FOXK2: variants seen among roughly 807,000 people sequenced by gnomAD.
FOXK2 encodes the protein forkhead box protein K2.
FOXK2 carries 24 observed loss-of-function variants against 53.3 expected under a neutral mutation model. That is an observed-to-expected ratio of 0.45 (90% CI 0.33 to 0.63). FOXK2 has a LOEUF of 0.63. Ranked by LOEUF, FOXK2 falls within the 30% of genes least tolerant of loss-of-function variation. The pLI is 0.03. For missense variants in FOXK2, 952 were observed against 910.5 expected, an observed-to-expected ratio of 1.05 and a Z score of -0.59; for synonymous variants, 505 against 407.1, an observed-to-expected ratio of 1.24 and a Z score of -2.89.
At chr17:82,573,525 TACAC>T (rs10545272) in intron 4 of FOXK2, among the ~76,000 whole-genome samples, 71 of 135,664 alleles carry the variant, frequency 5.2e-4, no homozygotes, top group Middle Eastern at 4.0e-3. Flanking sequence ...ACTATATACA[TACAC>T]ACACACACTC....
intron 5 of FOXK2, among the ~76,000 whole-genome samples, chr17:82,583,280 C>A (rs541759582): frequency 6.6e-6 from 1 of 152,252 alleles, no homozygotes; most frequent in Non-Finnish European, 1.5e-5. Flanking sequence ...CGCTGTGGCT[C>A]ACGCCTGTAA....
chr17:82,521,165 T>C (rs182692742), intron 1 of FOXK2, among the ~76,000 whole-genome samples: 78 of 151,364 alleles, frequency 5.2e-4, no homozygotes, highest in African/African-American at 1.6e-3. Flanking sequence ...CCACACAAAC[T>C]GGAATTTTTT....
intron 5 of FOXK2, among the ~76,000 whole-genome samples, chr17:82,583,672 G>A (rs1042706467): frequency 6.6e-6 from 1 of 151,968 alleles, no homozygotes; most frequent in Non-Finnish European, 1.5e-5. Context: ...AAAAAAATGA[G>A]CGTAACGTAA....
chr17:82,580,445 A>G (rs1306124752), intron 4 of FOXK2, among the ~76,000 whole-genome samples: 1 of 63,158 alleles, frequency 1.6e-5, no homozygotes, highest in Admixed American at 1.5e-4. Flanking sequence ...TCTCCATGTC[A>G]CCCATGAAGT....
At chr17:82,532,269 CGA>C (rs1394289784) in intron 1 of FOXK2, among the ~76,000 whole-genome samples, 1 of 151,958 alleles carries the variant, frequency 6.6e-6, no homozygotes, top group Non-Finnish European at 1.5e-5. Flanking sequence ...CTCAGCTTTC[CGA>C]GTAGCTGGGA....
At position 82,571,738 on chromosome 17, in the gene FOXK2, G is replaced by T. The variant is rs117692271; in HGVS notation, c.777G>T (p.Pro259=). ...GGDSPKDDSK[P]PYSYAQLIVQ... ...TTTAAATACAGGATGATTCAAAGCC[G>T]CCTTACTCCTACGCGCAGCTGATAG... The change falls in exon 4 of 9, where the codon CCG becomes CCT. Residue 259 remains proline, a synonymous_variant. Transcript: ENST00000335255. 6.4e-3 allele frequency: 9,978 copies of T among 1,555,482 alleles called. 47 individuals are homozygous for T. Among genetic ancestry groups the T allele is most frequent in the Non-Finnish European group, 7.2e-3 (8,315 of 1,156,100 alleles).
intron 1 of FOXK2, among the ~76,000 whole-genome samples, chr17:82,521,253 A>G (rs1007339233): frequency 1.1e-4 from 17 of 152,062 alleles, no homozygotes; most frequent in African/African-American, 3.4e-4. Flanking sequence ...GCTCACTGCA[A>G]TCTCCGCCCT....
chr17:82,543,965 A>G (rs961912475), intron 1 of FOXK2, among the ~76,000 whole-genome samples: 1 of 151,858 alleles, frequency 6.6e-6, no homozygotes, highest in Non-Finnish European at 1.5e-5. Flanking sequence ...TTTAGTAGAG[A>G]TGGGGTTTCA....
At chr17:82,572,097 T>C in intron 4 of FOXK2, 1 of 387,408 alleles carries the variant, frequency 2.6e-6, no homozygotes, top group Non-Finnish European at 4.6e-6. Flanking sequence ...TAGGCCTGCA[T>C]GCTTTACTGT....
At chr17:82,548,567 C>G (rs1417321890) in intron 1 of FOXK2, among the ~76,000 whole-genome samples, 1 of 152,166 alleles carries the variant, frequency 6.6e-6, no homozygotes, top group African/African-American at 2.4e-5. Context: ...AATATTTTCT[C>G]CCATTCCATC....
chr17:82,571,444 C>T (rs1437779871), intron 3 of FOXK2, among the ~76,000 whole-genome samples: 1 of 151,878 alleles, frequency 6.6e-6, no homozygotes, highest in Non-Finnish European at 1.5e-5. Flanking sequence ...CTACTAAAAC[C>T]ACAAAAATTA....
intron 1 of FOXK2, among the ~76,000 whole-genome samples, chr17:82,530,517 T>G (rs933441933): frequency 6.7e-6 from 1 of 148,864 alleles, no homozygotes; most frequent in African/African-American, 2.5e-5. Flanking sequence ...TGTGTTTTTT[T>G]TTTTTTTTTT....
rs534068469 is a variant in FOXK2, at chr17:82,576,218, C to T, written c.909+4348C>T. 4.3e-3 allele frequency among the ~76,000 whole-genome samples: 207 copies of T among 47,618 alleles called. 2 individuals carry two copies. Among genetic ancestry groups the T allele is most frequent in the Non-Finnish European group, 6.5e-3 (160 of 24,634 alleles). The allele number at this position is 47,618 out of a possible 152,430, so 31.2% of individuals were successfully genotyped here. On this transcript the variant is annotated intron_variant, in intron 4 of 8. Transcript: ENST00000335255. ...GTTCGTCCACACCAGCGTGTGTGCT[C>T]GGGTGGCGGCGGCGGGTTCGTCCAC... is the stretch of plus-strand genomic sequence containing the variant.
chr17:82,573,599 C>T (rs1023361080), intron 4 of FOXK2, among the ~76,000 whole-genome samples: 33 of 147,144 alleles, frequency 2.2e-4, no homozygotes, highest in Non-Finnish European at 4.7e-4. Flanking sequence ...CACACACACA[C>T]AACCAGATAA....
chr17:82,594,754 G>A (rs1285991516), intron 8 of FOXK2, among the ~76,000 whole-genome samples: 5 of 152,186 alleles, frequency 3.3e-5, no homozygotes, highest in African/African-American at 1.2e-4. Context: ...TTCCCTAAAG[G>A]AGTAGGAACA....
intron 1 of FOXK2, among the ~76,000 whole-genome samples, chr17:82,540,564 T>C (rs2044565552): frequency 1.3e-5 from 2 of 152,006 alleles, no homozygotes; most frequent in Admixed American, 1.3e-4. Flanking sequence ...TCTCCTGGAG[T>C]TGGCACACTC....
rs1317175136 is a variant in FOXK2 at position 82,563,408 on chromosome 17, C to A, written c.474C>A (p.Ser158=). The A allele has an allele frequency of 6.2e-7, 1 of 1,613,998 alleles. No homozygotes were observed. Among genetic ancestry groups the A allele is most frequent in the Non-Finnish European group, 8.5e-7 (1 of 1,180,038 alleles). The change falls in exon 2 of 9, where the codon TCC becomes TCA. Residue 158 remains serine, a synonymous_variant. Coordinates refer to ENST00000335255, the MANE Select transcript of FOXK2 (RefSeq NM_004514.4). The stretch of plus-strand genomic sequence containing the variant: ...TCAAGATAACGTTCACTGCCCTGTC[C>A]AGCGAGAAGAGAGAGAAGCAGGAGG... ...TNIKITFTAL[S]SEKREKQEAS...
At chr17:82,589,281 C>T (rs1291101830) in intron 8 of FOXK2, among the ~76,000 whole-genome samples, 1 of 152,218 alleles carries the variant, frequency 6.6e-6, no homozygotes, top group Admixed American at 6.5e-5. Flanking sequence ...GGCCCAGATC[C>T]TCCCTTGTCT....
chr17:82,587,461 G>A lies in FOXK2; in HGVS notation c.1786+189G>A, dbSNP rs573373354. 293 of 610,874 alleles carry A rather than the reference G, an allele frequency of 4.8e-4. 3 individuals are homozygous for A. Among genetic ancestry groups the A allele is most frequent in the Middle Eastern group, 2.6e-3 (6 of 2,268 alleles). The allele number at this position is 610,874 out of a possible 1,614,324, so 37.8% of individuals were successfully genotyped here. On this transcript the variant is annotated intron_variant, in intron 8 of 8. Transcript: ENST00000335255. ...TGGAGTCGGCCGTCATGGGATTCCC[G>A]TGGGAGGACCTGCCTGAAAAGAGAT...
Sources: allele counts gnomAD v4.1 joint callset (sites outside exome capture counted in the v4.1 genomes callset), GRCh38; gene constraint gnomAD v4.1.1; transcripts MANE v1.5; gene names NCBI Gene and HGNC (gene_info 2026-07-23, HGNC 2026-07-21).